The following EPB41L4B variants were observed in gnomAD, a reference collection of about 807,000 sequenced individuals.
The protein encoded by EPB41L4B is erythrocyte membrane protein band 4.1 like 4B.
Under a neutral mutation model 112.5 loss-of-function variants are expected in EPB41L4B, and 30 were observed. That is an observed-to-expected ratio of 0.27 (90% CI 0.20 to 0.36). The LOEUF is 0.36. EPB41L4B is among the 10% of genes least tolerant of loss of function. The pLI, the probability that EPB41L4B is intolerant of heterozygous loss-of-function variation, is 1.00. For missense variants in EPB41L4B, 1,024 were observed against 1,133.3 expected (o/e 0.90, Z 1.38); for synonymous variants, 408 against 439.7 (o/e 0.93, Z 0.90).
chr9:109,308,857 C>T (rs980592028), intron 1 of EPB41L4B, among the ~76,000 whole-genome samples: 3 of 152,136 alleles, frequency 2.0e-5, no homozygotes, highest in East Asian at 1.9e-4. Context: ...GCAGGCGGAT[C>T]GCTTGAAGTC....
chr9:109,314,596 A>G (rs1403257584), intron 1 of EPB41L4B, among the ~76,000 whole-genome samples: 1 of 150,628 alleles, frequency 6.6e-6, no homozygotes, highest in African/African-American at 2.5e-5. Context: ...TTGTATCACG[A>G]CACCCCCTTT....
chr9:109,176,467 C>A, intron 25 of EPB41L4B, 84 bp downstream of exon 25: 1 of 1,421,264 alleles, frequency 7.0e-7, no homozygotes, highest in African/African-American at 1.4e-5. Flanking sequence ...AAGGCCTGTA[C>A]GTGTCACAAA....
At chr9:109,300,427 C>T (rs551142078) in intron 1 of EPB41L4B, 95 of 152,210 alleles carry the variant, frequency 6.2e-4, no homozygotes, top group Middle Eastern at 3.4e-3. Context: ...ACCTACAACC[C>T]CACCATCACA....
chr9:109,245,204 G>A (rs1238914433), intron 14 of EPB41L4B, among the ~76,000 whole-genome samples: 1 of 152,216 alleles, frequency 6.6e-6, no homozygotes, highest in Non-Finnish European at 1.5e-5. Flanking sequence ...AACTGTTCCA[G>A]GTGTTTTGAT....
intron 16 of EPB41L4B, among the ~76,000 whole-genome samples, 173 bp from the exon 17 acceptor site, chr9:109,213,991 G>A (rs1334212625): frequency 1.3e-5 from 2 of 152,166 alleles, no homozygotes; most frequent in Admixed American, 1.3e-4. Context: ...GAATATCTGA[G>A]GTCAAGGTTT....
intron 18 of EPB41L4B, 145 bp downstream of exon 18, chr9:109,207,779 C>T (rs897843682): frequency 1.4e-5 from 13 of 926,388 alleles, no homozygotes; most frequent in Non-Finnish European, 1.8e-5. Flanking sequence ...GTTCACATAT[C>T]AGGTATGGTT....
At chr9:109,295,267 TTAGCTTTGAACA>T (rs1455127462) in intron 1 of EPB41L4B, among the ~76,000 whole-genome samples, 1 of 152,228 alleles carries the variant, frequency 6.6e-6, no homozygotes, top group African/African-American at 2.4e-5. Context: ...AGCTAAGTTC[TTAGCTTTGAACA>T]TCAAAGCTAA....
At chr9:109,235,216 C>G (rs1218516886) in intron 15 of EPB41L4B, among the ~76,000 whole-genome samples, 1 of 152,048 alleles carries the variant, frequency 6.6e-6, no homozygotes, top group Admixed American at 6.6e-5. Flanking sequence ...TCAAAAGATC[C>G]CCATGGTGTT....
intron 1 of EPB41L4B, among the ~76,000 whole-genome samples, chr9:109,294,306 C>CAAA (rs754733623): frequency 1.8e-5 from 1 of 56,174 alleles, no homozygotes. Flanking sequence ...GACTCCGTCT[C>CAAA]AAAAAAAAAA....
rs1439548633 is a variant in EPB41L4B at position 109,226,693 on chromosome 9, T to TG, written c.1410-9549_1410-9548insC. On this transcript the variant is annotated intron_variant, in intron 15 of 25. Transcript: ENST00000374566. ...AATATATATATATGAAGAATATATA[T>TG]ATGAATATATATATGAAGAATATAT... Among the ~76,000 whole-genome samples, 13 of 59,156 alleles carry TG rather than the reference T, an allele frequency of 2.2e-4. 1 individual carries two copies. The highest frequency in any genetic ancestry group is 5.4e-4 in the African/African-American group (8 of 14,922). 38.8% of individuals were successfully genotyped at this position (59,156 alleles called of 152,430 possible).
intron 1 of EPB41L4B, among the ~76,000 whole-genome samples, chr9:109,319,402 C>G (rs1837755547): frequency 6.6e-6 from 1 of 152,180 alleles, no homozygotes; most frequent in African/African-American, 2.4e-5. Flanking sequence ...CGCCTGGCCC[C>G]CCGGGCACCC....
chr9:109,310,020 A>G (rs879373980), intron 1 of EPB41L4B, among the ~76,000 whole-genome samples: 10 of 152,200 alleles, frequency 6.6e-5, no homozygotes, highest in Admixed American at 2.0e-4. Flanking sequence ...CACACCCAGG[A>G]TAGATGCTTC....
At chr9:109,230,881 C>T (rs553423219) in intron 15 of EPB41L4B, among the ~76,000 whole-genome samples, 5 of 152,238 alleles carry the variant, frequency 3.3e-5, no homozygotes, top group Admixed American at 2.0e-4. Flanking sequence ...AAATTGGCCA[C>T]AAGTGGTGGC....
intron 13 of EPB41L4B, among the ~76,000 whole-genome samples, chr9:109,251,120 G>A (rs1834772650): frequency 6.6e-6 from 1 of 152,220 alleles, no homozygotes; most frequent in African/African-American, 2.4e-5. Context: ...TCTAGCATCT[G>A]CTCTCGTCCA....
intron 24 of EPB41L4B, among the ~76,000 whole-genome samples, chr9:109,181,862 G>A (rs1236857288): frequency 1.3e-5 from 2 of 152,052 alleles, no homozygotes; most frequent in African/African-American, 4.8e-5. Context: ...CCCAATAAAT[G>A]AGTGGATAAA....
At chr9:109,271,409 C>T (rs1835614968) in intron 2 of EPB41L4B, among the ~76,000 whole-genome samples, 1 of 152,208 alleles carries the variant, frequency 6.6e-6, no homozygotes, top group Non-Finnish European at 1.5e-5. Flanking sequence ...TTGCCTGCAT[C>T]AGAGGCAATA....
chr9:109,254,307 T>C (rs970574737), intron 11 of EPB41L4B, among the ~76,000 whole-genome samples: 1 of 152,156 alleles, frequency 6.6e-6, no homozygotes, highest in African/African-American at 2.4e-5. Flanking sequence ...TTCTGTGGAG[T>C]GTCTCCGGTA....
At chr9:109,182,632 A>T (rs748055508) in intron 24 of EPB41L4B, 97 bp downstream of exon 24, 1 of 870,004 alleles carries the variant, frequency 1.1e-6, no homozygotes, top group Non-Finnish European at 1.9e-6. Context: ...CGGTGATCAA[A>T]AGAAGCGGTT....
At chr9:109,187,686 A>T (rs1286265007) in intron 22 of EPB41L4B, among the ~76,000 whole-genome samples, 3 of 152,176 alleles carry the variant, frequency 2.0e-5, no homozygotes, top group African/African-American at 7.2e-5. Context: ...CTCTGATGAT[A>T]GCAGGCACGC....
Sources: gnomAD v4.1 joint callset for allele counts (sites outside exome capture counted in the v4.1 genomes callset) on GRCh38, gnomAD v4.1.1 for gene constraint, MANE v1.5 for transcripts, NCBI Gene and HGNC (gene_info 2026-07-23, HGNC 2026-07-21) for gene names.